COL22A1: variants seen among roughly 807,000 people sequenced by gnomAD.
COL22A1 encodes collagen alpha-1(XXII) chain.
COL22A1 carries 221 observed loss-of-function variants against 248.9 expected under a neutral mutation model. The ratio of observed to expected loss-of-function variants is 0.89; its 90% confidence interval spans 0.80 to 0.99. The LOEUF (loss-of-function observed/expected upper bound fraction) is 0.99, where lower values mean the gene tolerates loss of function less well. Among genes scored for constraint, COL22A1 ranks in the 50% least tolerant of loss-of-function variants. The pLI is 0.00. For missense variants in COL22A1, 2,240 were observed against 2,179.0 expected (o/e 1.03, Z -0.56); for synonymous variants, 891 against 793.4 (o/e 1.12, Z -2.07).
At chr8:138,842,925 T>C (rs1325494189) in intron 4 of COL22A1, among the ~76,000 whole-genome samples, 1 of 151,740 alleles carries the variant, frequency 6.6e-6, no homozygotes, top group Non-Finnish European at 1.5e-5. Context: ...GAGCAGGGAG[T>C]AGAGGCAGGA....
At chr8:138,648,447 ACTCT>A (rs967380404) in intron 46 of COL22A1, among the ~76,000 whole-genome samples, 3 of 152,100 alleles carry the variant, frequency 2.0e-5, no homozygotes, top group Admixed American at 2.0e-4. Context: ...AAGAGGCTTA[ACTCT>A]CTCTTTTTTG....
chr8:138,763,731 C>A (rs1475426825), intron 16 of COL22A1, among the ~76,000 whole-genome samples: 2 of 152,194 alleles, frequency 1.3e-5, no homozygotes, highest in Non-Finnish European at 2.9e-5. Flanking sequence ...GCCTTCCCTG[C>A]CTCCTATTCC....
intron 41 of COL22A1, among the ~76,000 whole-genome samples, chr8:138,666,074 A>G (rs1477376448): frequency 6.6e-6 from 1 of 152,234 alleles, no homozygotes; most frequent in African/African-American, 2.4e-5. Flanking sequence ...CACAATGATC[A>G]TGACTAACAG....
intron 1 of COL22A1, among the ~76,000 whole-genome samples, chr8:138,893,233 C>G (rs910231843): frequency 3.3e-5 from 5 of 152,226 alleles, no homozygotes; most frequent in Admixed American, 6.5e-5. Context: ...AGACCAGACA[C>G]TGTCACAGGT....
At chr8:138,738,702 C>A (rs894979633) in intron 22 of COL22A1, among the ~76,000 whole-genome samples, 1 of 152,212 alleles carries the variant, frequency 6.6e-6, no homozygotes, top group Non-Finnish European at 1.5e-5. Flanking sequence ...TCTATGCAGA[C>A]TTGAAGCCTG....
At chr8:138,712,011 G>A (rs1829011990) in intron 30 of COL22A1, among the ~76,000 whole-genome samples, 1 of 152,176 alleles carries the variant, frequency 6.6e-6, no homozygotes, top group South Asian at 2.1e-4. Context: ...AAGTGGGGAT[G>A]TTGTTGACAG....
intron 10 of COL22A1, among the ~76,000 whole-genome samples, chr8:138,806,379 G>T (rs1817731945): frequency 6.6e-6 from 1 of 151,768 alleles, no homozygotes; most frequent in Non-Finnish European, 1.5e-5. Context: ...CACAGTGGGG[G>T]CAAAGCAGGG....
At chr8:138,617,389 C>T (rs1402168624) in intron 53 of COL22A1, among the ~76,000 whole-genome samples, 2 of 152,072 alleles carry the variant, frequency 1.3e-5, no homozygotes, top group African/African-American at 4.8e-5. Context: ...CTTCCTTGTT[C>T]CTGTGGCCAT....
At chr8:138,902,588 C>T (rs1814666469) in intron 1 of COL22A1, among the ~76,000 whole-genome samples, 1 of 151,426 alleles carries the variant, frequency 6.6e-6, no homozygotes, top group Non-Finnish European at 1.5e-5. Flanking sequence ...CGCCTGTAGT[C>T]CCAGCTACTC....
intron 50 of COL22A1, among the ~76,000 whole-genome samples, chr8:138,629,879 G>A (rs572233079): frequency 3.3e-5 from 5 of 152,214 alleles, no homozygotes; most frequent in East Asian, 3.9e-4. Flanking sequence ...TAGGGATTGC[G>A]CCTGGCTCTG....
At chr8:138,835,301 G>A (rs1820345778) in intron 4 of COL22A1, among the ~76,000 whole-genome samples, 1 of 152,194 alleles carries the variant, frequency 6.6e-6, no homozygotes, top group South Asian at 2.1e-4. Flanking sequence ...ATGATATTGG[G>A]TCCTAAAGAT....
At chr8:138,867,979 G>C (rs759879171) in intron 3 of COL22A1, among the ~76,000 whole-genome samples, 6 of 152,110 alleles carry the variant, frequency 3.9e-5, no homozygotes, top group Non-Finnish European at 5.9e-5. Context: ...TGGTCAGGAT[G>C]GTCTTGATCT....
At position 138,614,666 on chromosome 8, in the gene COL22A1, G is replaced by A. The variant is rs141178250; in HGVS notation, c.3925-746C>T. Among the ~76,000 whole-genome samples, 891 of 152,166 alleles carry A rather than the reference G, an allele frequency of 5.9e-3. 8 individuals carry two copies. Among genetic ancestry groups the A allele is most frequent in the African/African-American group, 0.02 (846 of 41,508 alleles). ...TCTACAAACTGAAGTGCAGGGGGAGGGGATGGACTGTATCACGATTCTCAA... is the reference window on the plus strand; with the variant it reads ...TCTACAAACTGAAGTGCAGGGGGAGAGGATGGACTGTATCACGATTCTCAA... On this transcript the variant is annotated intron_variant, in intron 55 of 64. Transcript: ENST00000303045.
At chr8:138,667,480 A>G (rs1824609419) in intron 41 of COL22A1, among the ~76,000 whole-genome samples, 1 of 152,194 alleles carries the variant, frequency 6.6e-6, no homozygotes, top group Admixed American at 6.5e-5. Flanking sequence ...CAATAATTTA[A>G]AACACATCAA....
chr8:138,853,246 G>A (rs559023694), intron 3 of COL22A1, among the ~76,000 whole-genome samples: 5 of 152,304 alleles, frequency 3.3e-5, no homozygotes, highest in African/African-American at 1.2e-4. Context: ...ATGATGGGGC[G>A]AGGGCCCCAT....
chr8:138,617,697 G>A (rs142477664), intron 53 of COL22A1, among the ~76,000 whole-genome samples: 153 of 152,286 alleles, frequency 1.0e-3, no homozygotes, highest in African/African-American at 3.6e-3. Flanking sequence ...GGAAAGGATT[G>A]CCATATGCTC....
chr8:138,713,386 G>C (rs143697876), intron 30 of COL22A1, among the ~76,000 whole-genome samples: 3 of 152,276 alleles, frequency 2.0e-5, no homozygotes, highest in African/African-American at 7.2e-5. Flanking sequence ...TGACTTCATA[G>C]TTCATTGTTA....
At chr8:138,890,326 C>T (rs1185780547) in intron 1 of COL22A1, among the ~76,000 whole-genome samples, 1 of 152,200 alleles carries the variant, frequency 6.6e-6, no homozygotes. Flanking sequence ...AACAAGGATG[C>T]TTCTTTGCCG....
intron 22 of COL22A1, among the ~76,000 whole-genome samples, chr8:138,744,941 A>T (rs2131307154): frequency 6.6e-6 from 1 of 152,312 alleles, no homozygotes; most frequent in East Asian, 1.9e-4. Context: ...GTCCTCATCT[A>T]TTGATGACAG....
Sources: gnomAD v4.1 joint callset for allele counts (sites outside exome capture counted in the v4.1 genomes callset) on GRCh38, gnomAD v4.1.1 for gene constraint, MANE v1.5 for transcripts, NCBI Gene and HGNC (gene_info 2026-07-23, HGNC 2026-07-21) for gene names.